ENPP3: variants seen among roughly 807,000 people sequenced by gnomAD.
ENPP3 encodes ectonucleotide pyrophosphatase/phosphodiesterase 3, also known as ectonucleotide pyrophosphatase/phosphodiesterase family member 3.
Under a neutral mutation model 117.8 loss-of-function variants are expected in ENPP3, and 104 were observed. That is an observed-to-expected ratio of 0.88 (90% confidence interval 0.75 to 1.04). The LOEUF (loss-of-function observed/expected upper bound fraction) is 1.04. Ranked by LOEUF, ENPP3 falls within the 50% of genes least tolerant of loss-of-function variation. The pLI is 0.00. For synonymous variants in ENPP3, 380 were observed against 349.9 expected (o/e 1.09, Z -0.96); for missense variants, 1,026 against 1,051.9 (o/e 0.98, Z 0.34).
chr6:131,738,677 G>A (rs1052040532), intron 23 of ENPP3, among the ~76,000 whole-genome samples: 1 of 152,144 alleles, frequency 6.6e-6, no homozygotes, highest in African/African-American at 2.4e-5. Context: ...GTACATTTTA[G>A]TATTAAGCCT....
chr6:131,676,833 A>T (rs1778878399), intron 10 of ENPP3, 32 bp downstream of exon 10: 2 of 1,408,698 alleles, frequency 1.4e-6, no homozygotes, highest in Admixed American at 1.7e-5. Flanking sequence ...GTGCTGGCAT[A>T]GTGGCATATA....
chr6:131,707,294 G>T (rs1779664457), intron 15 of ENPP3, among the ~76,000 whole-genome samples: 1 of 130,410 alleles, frequency 7.7e-6, no homozygotes, highest in Non-Finnish European at 1.6e-5. Context: ...GATATCGCCT[G>T]TTTCATTATG....
intron 14 of ENPP3, among the ~76,000 whole-genome samples, chr6:131,691,681 G>A (rs557170187): frequency 1.3e-5 from 2 of 152,004 alleles, no homozygotes; most frequent in Admixed American, 6.5e-5. Flanking sequence ...AAGAATCACC[G>A]GTACTTCTTC....
At chr6:131,691,530 A>G (rs1314170978) in intron 14 of ENPP3, among the ~76,000 whole-genome samples, 1 of 151,620 alleles carries the variant, frequency 6.6e-6, no homozygotes, top group Non-Finnish European at 1.5e-5. Flanking sequence ...CAGAGGTTGC[A>G]GTGAGCTGAG....
intron 7 of ENPP3, among the ~76,000 whole-genome samples, chr6:131,672,979 G>A (rs1424975186): frequency 6.6e-6 from 1 of 151,968 alleles, no homozygotes; most frequent in Non-Finnish European, 1.5e-5. Flanking sequence ...ATTCAATTTA[G>A]CCAGGATATT....
rs750224637 is a variant in ENPP3 at position 131,650,164 on chromosome 6, A to T, written c.277+15A>T. 2.5e-6 allele frequency: 4 copies of T among 1,613,658 alleles called. No individual in the cohort carries two copies. The African/African-American group carries it at 5.3e-5, about 22-fold the overall frequency. ...TGTGGAATCAAGTATGAGTTCTGAGAATAAGTTTATTAGCATGTTGCTTGT... is the reference window on the plus strand; with the variant it reads ...TGTGGAATCAAGTATGAGTTCTGAGTATAAGTTTATTAGCATGTTGCTTGT... On this transcript the variant is annotated intron_variant, in intron 3 of 24. Transcript: ENST00000357639.
At chr6:131,720,165 A>C (rs1779983286) in intron 16 of ENPP3, 127 bp from the exon 17 acceptor site, 8 of 557,498 alleles carry the variant, frequency 1.4e-5, no homozygotes, top group Non-Finnish European at 1.9e-5. Flanking sequence ...AAAACTAAAA[A>C]AAAATTCCTT....
At chr6:131,644,496 A>G (rs1778116871) in intron 2 of ENPP3, among the ~76,000 whole-genome samples, 1 of 152,182 alleles carries the variant, frequency 6.6e-6, no homozygotes, top group African/African-American at 2.4e-5. Context: ...TTATTGAAAG[A>G]CTGGATTTAG....
chr6:131,644,428 A>G (rs1778115114), intron 2 of ENPP3, among the ~76,000 whole-genome samples: 1 of 152,222 alleles, frequency 6.6e-6, no homozygotes, highest in Non-Finnish European at 1.5e-5. Flanking sequence ...GGGCAGTAGC[A>G]TTGTAGCTGG....
chr6:131,719,923 G>C (rs1438055593), intron 16 of ENPP3, among the ~76,000 whole-genome samples: 1 of 151,942 alleles, frequency 6.6e-6, no homozygotes, highest in Admixed American at 6.5e-5. Flanking sequence ...TTAATGATAT[G>C]AAACAATATG....
intron 20 of ENPP3, 121 bp from the exon 21 acceptor site, chr6:131,733,467 G>T: frequency 9.4e-7 from 1 of 1,068,406 alleles, no homozygotes; most frequent in South Asian, 1.8e-5. Context: ...GCGTAGACCT[G>T]ATTCACTAAG....
At position 131,650,104 on chromosome 6, in the gene ENPP3, C is replaced by T. The variant is rs144467409; in HGVS notation, c.232C>T (p.Arg78Ter). 1.3e-3 allele frequency: 2,044 copies of T among 1,613,978 alleles called. 1 individual carries two copies. Among genetic ancestry groups the T allele is most frequent in the Non-Finnish European group, 1.5e-3 (1,796 of 1,179,940 alleles). Residue 78 changes from arginine (R) to a stop codon, truncating the protein, a stop_gained, in exon 3 of 25, where the codon CGA (arginine) becomes TGA (stop). Transcript: ENST00000357639. LOFTEE classifies it high-confidence loss of function. ...CCGGTGTGATGTGGCATGTAAAGAC[C>T]GAGGTGATTGCTGCTGGGATTTTGA... ...NCRCDVACKD[R>*]GDCCWDFEDT...
chr6:131,719,512 T>C (rs1779970823), intron 16 of ENPP3, among the ~76,000 whole-genome samples: 1 of 152,178 alleles, frequency 6.6e-6, no homozygotes, highest in Non-Finnish European at 1.5e-5. Context: ...TACATCTTTT[T>C]GTAAATATTT....
At chr6:131,679,844 G>A (rs1246157780) in intron 11 of ENPP3, among the ~76,000 whole-genome samples, 1 of 152,174 alleles carries the variant, frequency 6.6e-6, no homozygotes, top group African/African-American at 2.4e-5. Context: ...AATAGTAGCA[G>A]CTCACCCTTA....
Position 131,693,500 on chromosome 6 carries a change from C to T in ENPP3, c.1288C>T (p.Arg430Ter), listed in dbSNP as rs755811606. ...GAAATATTTACTTGCTTTTCAGTGC[C>T]GAAAACCTGATCAGCATTTCAAGCC... ...SEEIVRNLSC[R>*]KPDQHFKPYL... is the part of the protein sequence containing the mutation. The change falls in exon 15 of 25, where the codon CGA (arginine) becomes TGA (stop). Residue 430 changes from arginine to a stop codon, truncating the protein, a stop_gained. Coordinates refer to ENST00000357639, the MANE Select transcript of ENPP3 (RefSeq NM_005021.5). LOFTEE classifies it high-confidence loss of function. The T allele has an allele frequency of 8.1e-6, 13 of 1,610,600 alleles. No homozygotes were observed. Among genetic ancestry groups the T allele is most frequent in the East Asian group, 4.5e-5 (2 of 44,712 alleles).
At chr6:131,671,797 A>G (rs1175355472) in intron 7 of ENPP3, among the ~76,000 whole-genome samples, 1 of 152,196 alleles carries the variant, frequency 6.6e-6, no homozygotes, top group Non-Finnish European at 1.5e-5. Context: ...AAAGCAAGTG[A>G]TATAAAAAAG....
chr6:131,738,461 C>A (rs1780449260), intron 23 of ENPP3, among the ~76,000 whole-genome samples: 2 of 150,994 alleles, frequency 1.3e-5, no homozygotes, highest in African/African-American at 2.4e-5. Flanking sequence ...GTAGACAAAA[C>A]TTGATGTACT....
intron 20 of ENPP3, among the ~76,000 whole-genome samples, chr6:131,729,912 C>T (rs1780239597): frequency 6.6e-6 from 1 of 151,930 alleles, no homozygotes; most frequent in African/African-American, 2.4e-5. Context: ...CAGTTCATTT[C>T]CCCCAGCACA....
At position 131,746,910 on chromosome 6, in the gene ENPP3, T is replaced by C. The variant is rs1780648556; in HGVS notation, c.2582T>C (p.Ile861Thr). 1 of 1,611,068 alleles carries C rather than the reference T, an allele frequency of 6.2e-7. No individual in the cohort carries two copies. Among genetic ancestry groups the C allele is most frequent in the African/African-American group, 1.3e-5 (1 of 74,836 alleles). ...YQDKVQPVSEILQLKTYLPTF... is the reference protein window; with the variant it reads ...YQDKVQPVSETLQLKTYLPTF... ...GATAAAGTGCAGCCTGTCTCTGAAA[T>C]TTTGCAACTAAAGACATATTTACCA... is the stretch of plus-strand genomic sequence containing the variant. Residue 861 changes from isoleucine (I) to threonine (T), a missense_variant, in exon 25 of 25, where the codon ATT becomes ACT. Physicochemically the swap from Ile to Thr is moderately conservative, Grantham distance 89. Transcript: ENST00000357639.
Sources: gnomAD v4.1 joint callset for allele counts (sites outside exome capture counted in the v4.1 genomes callset) on GRCh38, gnomAD v4.1.1 for gene constraint, MANE v1.5 for transcripts, NCBI Gene and HGNC (gene_info 2026-07-23, HGNC 2026-07-21) for gene names.